SI: variants seen among roughly 807,000 people sequenced by gnomAD.
SI encodes the protein sucrase-isomaltase, intestinal.
Under a neutral mutation model 253.3 loss-of-function variants are expected in SI, and 235 were observed. The ratio of observed to expected loss-of-function variants is 0.93; its 90% CI spans 0.83 to 1.03. The LOEUF is 1.03. SI is among the 50% of genes least tolerant of loss of function. The pLI is 0.00. For synonymous variants in SI, 819 were observed against 712.0 expected (o/e 1.15, Z -2.39); for missense variants, 2,442 against 2,211.1 (o/e 1.10, Z -2.09).
chr3:164,981,934 T>A (rs932866434), intron 47 of SI, among the ~76,000 whole-genome samples: 1 of 152,152 alleles, frequency 6.6e-6, no homozygotes, highest in East Asian at 1.9e-4. Context: ...AATGCAGATA[T>A]CTTATTTTTA....
chr3:165,032,068 C>T (rs760144796), intron 24 of SI, among the ~76,000 whole-genome samples: 1 of 150,946 alleles, frequency 6.6e-6, no homozygotes, highest in African/African-American at 2.4e-5. Context: ...TAGAAAAGTA[C>T]AAGATATATT....
In SI at chr3:164,987,100, G is replaced by A. The variant is rs1014795634; in HGVS notation, c.5197+38C>T. The A allele has an allele frequency of 6.5e-6, 9 of 1,394,088 alleles. No individual in the cohort carries two copies. The East Asian group carries it at 6.9e-5, about 11-fold the overall frequency. 86.4% of individuals were successfully genotyped at this position (1,394,088 alleles called of 1,614,324 possible). On this transcript the variant is annotated intron_variant, in intron 45 of 47. Coordinates refer to ENST00000264382, the MANE Select transcript of SI (RefSeq NM_001041.4). ...ACGTAAAAGTAATGTGATAGAATAC[G>A]ACATCAATTAAATTTATCTACTAAA...
Position 164,996,792 on chromosome 3 carries a change from T to C in SI, c.4541-20A>G. 3 of 966,428 alleles carry C rather than the reference T, an allele frequency of 3.1e-6. No individual in the cohort carries two copies. The highest frequency in any genetic ancestry group is 4.7e-6 in the Non-Finnish European group (3 of 632,782). 59.9% of individuals were successfully genotyped at this position (966,428 alleles called of 1,614,324 possible). On this transcript the variant is annotated intron_variant, in intron 38 of 47. Transcript: ENST00000264382. ...TCATACCTGAAAAAGTTAGAAAAAATATCTTAGAAAGTTATTATTTCATAT... is the reference window on the plus strand; with the variant it reads ...TCATACCTGAAAAAGTTAGAAAAAACATCTTAGAAAGTTATTATTTCATAT...
upstream of SI, among the ~76,000 whole-genome samples, chr3:165,081,560 A>G (rs955234813): frequency 2.6e-5 from 4 of 152,076 alleles, no homozygotes; most frequent in South Asian, 2.1e-4. Flanking sequence ...TACTAGTTTT[A>G]TATGTTACTT....
At chr3:164,988,035 C>T (rs1218680340) in intron 44 of SI, among the ~76,000 whole-genome samples, 2 of 152,072 alleles carry the variant, frequency 1.3e-5, no homozygotes, top group Non-Finnish European at 2.9e-5. Flanking sequence ...TAGAGAATAC[C>T]TTTCAAGCAT....
chr3:165,033,880 CAA>C (rs1341747258), intron 22 of SI, among the ~76,000 whole-genome samples: 1 of 151,078 alleles, frequency 6.6e-6, no homozygotes, highest in African/African-American at 2.4e-5. Context: ...TCAAGGAAAA[CAA>C]TAAATCTGGA....
intron 25 of SI, among the ~76,000 whole-genome samples, chr3:165,029,645 T>TAA (rs919304209): frequency 1.8e-4 from 26 of 146,170 alleles, no homozygotes; most frequent in African/African-American, 4.2e-4. Context: ...TATATATATA[T>TAA]AACATTAAAA....
chr3:165,059,972 C>A lies in SI; in HGVS notation c.1076G>T (p.Arg359Leu). 1 of 1,612,040 alleles carries A rather than the reference C, an allele frequency of 6.2e-7. No homozygotes were observed. The highest frequency in any genetic ancestry group is 8.5e-7 in the Non-Finnish European group (1 of 1,178,690). ...TACATCTAGTGACTTATAATTCCAG[C>A]GACTTAGTTGGAATCCAAGATTCCA... ...AYWNLGFQLS[R>L]WNYKSLDVVK... Residue 359 changes from arginine to leucine, a missense_variant, in exon 10 of 48, where the codon CGC becomes CTC. Arg to Leu is a moderately radical substitution (Grantham distance 102). Transcript: ENST00000264382.
intron 16 of SI, among the ~76,000 whole-genome samples, chr3:165,045,817 C>T (rs1262346182): frequency 2.8e-5 from 4 of 142,886 alleles, no homozygotes; most frequent in African/African-American, 7.8e-5. Flanking sequence ...TATCTTTTGA[C>T]TCATGAATGA....
At chr3:165,037,563 A>T (rs2108213291) in intron 21 of SI, among the ~76,000 whole-genome samples, 1 of 152,100 alleles carries the variant, frequency 6.6e-6, no homozygotes, top group South Asian at 2.1e-4. Context: ...AATATGTAAA[A>T]ATTAACAAAT....
the SI span, among the ~76,000 whole-genome samples, chr3:165,088,360 A>G: frequency 6.6e-6 from 1 of 150,768 alleles, no homozygotes; most frequent in South Asian, 2.1e-4. Context: ...AAATAAATAA[A>G]TAGGCCAGAT....
intron 9 of SI, among the ~76,000 whole-genome samples, chr3:165,061,301 A>T (rs1713973541): frequency 6.6e-6 from 1 of 151,810 alleles, no homozygotes; most frequent in Non-Finnish European, 1.5e-5. Context: ...TTGGAATATC[A>T]GAGTGTTGTT....
At chr3:165,062,946 C>T (rs1337275986) in intron 8 of SI, among the ~76,000 whole-genome samples, 5 of 152,074 alleles carry the variant, frequency 3.3e-5, no homozygotes, top group Non-Finnish European at 7.4e-5. Flanking sequence ...ATGTAATAAA[C>T]TGATCCTGCT....
intron 16 of SI, among the ~76,000 whole-genome samples, chr3:165,045,491 A>C (rs2108226234): frequency 6.6e-6 from 1 of 152,118 alleles, no homozygotes; most frequent in East Asian, 1.9e-4. Context: ...ATATGCTATA[A>C]ATTGATCTAT....
intron 47 of SI, 57 bp downstream of exon 47, chr3:164,982,186 C>T: frequency 7.7e-7 from 1 of 1,302,968 alleles, no homozygotes; most frequent in Non-Finnish European, 1.1e-6. Context: ...TATAAGAAGT[C>T]CATGTAGATG....
At chr3:165,028,803 G>C (rs1389898716) in intron 25 of SI, among the ~76,000 whole-genome samples, 1 of 151,394 alleles carries the variant, frequency 6.6e-6, no homozygotes, top group Non-Finnish European at 1.5e-5. Context: ...GTGGATTAAG[G>C]ACTTAAATCT....
At chr3:165,056,603 G>C (rs537996785) in intron 12 of SI, among the ~76,000 whole-genome samples, 12 of 152,276 alleles carry the variant, frequency 7.9e-5, no homozygotes, top group African/African-American at 2.2e-4. Context: ...TGCACTTTCT[G>C]AAGGGAGAGC....
At chr3:165,073,208 C>T (rs201561862) in intron 3 of SI, among the ~76,000 whole-genome samples, 63 of 69,574 alleles carry the variant, frequency 9.1e-4, no homozygotes, top group East Asian at 5.4e-3. Context: ...CTCTCTCTCT[C>T]TCTCTCTCTC....
intron 37 of SI, among the ~76,000 whole-genome samples, chr3:165,004,785 A>T (rs937025059): frequency 5.9e-5 from 9 of 152,118 alleles, no homozygotes; most frequent in African/African-American, 2.2e-4. Flanking sequence ...CGGGAGAAGG[A>T]TGGTTACCAG....
Sources: allele counts gnomAD v4.1 joint callset (sites outside exome capture counted in the v4.1 genomes callset), GRCh38; gene constraint gnomAD v4.1.1; transcripts MANE v1.5; gene names NCBI Gene and HGNC (gene_info 2026-07-23, HGNC 2026-07-21).